Variants in EFTUD2 observed in about 807,000 individuals in gnomAD.
EFTUD2 encodes the protein elongation factor Tu GTP binding domain containing 2.
A neutral mutation model predicts 114.3 loss-of-function variants in EFTUD2; 9 were observed. That is an observed-to-expected ratio of 0.08 (90% CI 0.05 to 0.14). The LOEUF is 0.14. EFTUD2 is among the 10% of genes least tolerant of loss of function. The pLI is 1.00. For missense variants in EFTUD2, 765 were observed against 1,241.2 expected (o/e 0.62, Z 5.76); for synonymous variants, 449 against 462.3 (o/e 0.97, Z 0.37).
Position 44,889,227 on chromosome 17 carries a change from G to T in EFTUD2, c.106-2477C>A, listed in dbSNP as rs369361376. 1.6e-3 allele frequency among the ~76,000 whole-genome samples: 245 copies of T among 152,322 alleles called. 1 individual carries two copies. The highest frequency in any genetic ancestry group is 5.7e-3 in the African/African-American group (236 of 41,572). On this transcript the variant is annotated intron_variant, in intron 2 of 27. Coordinates refer to ENST00000426333, the MANE Select transcript of EFTUD2 (RefSeq NM_004247.4). Reference sequence around the variant, plus strand: ...GACCTTGGGATTTCGCAAGGCAGAGGTCAGTGGTGACCTTGACAAGAGCAG... The same window carrying T: ...GACCTTGGGATTTCGCAAGGCAGAGTTCAGTGGTGACCTTGACAAGAGCAG...
chr17:44,883,492 A>C, intron 5 of EFTUD2, 157 bp downstream of exon 5: 1 of 723,370 alleles, frequency 1.4e-6, no homozygotes, highest in Non-Finnish European at 2.3e-6. Context: ...GAAAAGCCAG[A>C]ATTTCACAGT....
rs2050518445 is a variant in EFTUD2 at position 44,854,842 on chromosome 17, T to C, written c.2132+76A>G. The C allele has an allele frequency of 3.8e-6, 6 of 1,569,848 alleles. No individual in the cohort carries two copies. Among genetic ancestry groups the C allele is most frequent in the Non-Finnish European group, 5.3e-6 (6 of 1,141,086 alleles). ...CATAAATGCTCCCCAGAAAGATGTG[T>C]GCTCTTAGAGACCCGGCAGTTAAAC... is the stretch of plus-strand genomic sequence containing the variant. On this transcript the variant is annotated intron_variant, in intron 21 of 27. Transcript: ENST00000426333. The surrounding 1 kb of genome is among the most constrained non-coding windows in gnomAD (Gnocchi z 4.3).
At chr17:44,885,500 G>C (rs931149049) in intron 3 of EFTUD2, among the ~76,000 whole-genome samples, 166 bp from the exon 4 acceptor site, 3 of 152,000 alleles carry the variant, frequency 2.0e-5, no homozygotes, top group Non-Finnish European at 2.9e-5. Flanking sequence ...ATGCTGTTTG[G>C]CATGAGACAG....
At chr17:44,891,586 G>C (rs2051280320) in intron 2 of EFTUD2, among the ~76,000 whole-genome samples, 1 of 152,194 alleles carries the variant, frequency 6.6e-6, no homozygotes, top group African/African-American at 2.4e-5. Flanking sequence ...CTCGGTTCAA[G>C]TGATCCTCCT....
At chr17:44,883,557 C>T in intron 5 of EFTUD2, 92 bp downstream of exon 5, 2 of 1,256,946 alleles carry the variant, frequency 1.6e-6, no homozygotes, top group Non-Finnish European at 2.3e-6. Flanking sequence ...GCCTTGTGAC[C>T]TCAAACCTCA....
chr17:44,851,678 G>A, intron 27 of EFTUD2, 32 bp downstream of exon 27: 1 of 1,539,216 alleles, frequency 6.5e-7, no homozygotes, highest in Non-Finnish European at 8.7e-7. Flanking sequence ...CTGGGGGGTT[G>A]AGGGATGGCA....
At position 44,853,198 on chromosome 17, in the gene EFTUD2, G is replaced by C; in HGVS notation, c.2561+98C>G. On this transcript the variant is annotated intron_variant, in intron 25 of 27. Coordinates refer to ENST00000426333, the MANE Select transcript of EFTUD2 (RefSeq NM_004247.4). ...CTCTCGGGGTTTCCAGAGAGAGGAGGGTAGAGAAGGCCAACCTCTCTTCCC... is the reference window on the plus strand; with the variant it reads ...CTCTCGGGGTTTCCAGAGAGAGGAGCGTAGAGAAGGCCAACCTCTCTTCCC... 3 of 1,269,626 alleles carry C rather than the reference G, an allele frequency of 2.4e-6. No individual in the cohort carries two copies. In the South Asian group the frequency reaches 4.0e-5, roughly 17 times the overall value. The allele number at this position is 1,269,626 out of a possible 1,614,324, so 78.6% of individuals were successfully genotyped here. A position where few individuals can be genotyped will look rare whatever the true frequency, so the allele number is the denominator to read the frequency against.
At chr17:44,867,927 C>T (rs911891800) in intron 12 of EFTUD2, 30 bp from the exon 13 acceptor site, 26 of 1,547,890 alleles carry the variant, frequency 1.7e-5, no homozygotes, top group South Asian at 1.4e-4. Context: ...CTGAGTGACC[C>T]AGGGGAAAAG....
At chr17:44,871,418 C>T (rs1294079883) in intron 11 of EFTUD2, among the ~76,000 whole-genome samples, 1 of 151,712 alleles carries the variant, frequency 6.6e-6, no homozygotes, top group African/African-American at 2.4e-5. Flanking sequence ...CAGCTCACTG[C>T]AAGCTCTGCC....
At chr17:44,883,447 A>C in intron 5 of EFTUD2, 1 of 617,626 alleles carries the variant, frequency 1.6e-6, no homozygotes, top group South Asian at 2.0e-5. Flanking sequence ...TCAGGCATGC[A>C]AGTGGCTTAG....
rs1320887479 is a variant in EFTUD2, at chr17:44,868,580, C to T, written c.995-230G>A. On this transcript the variant is annotated intron_variant, in intron 11 of 27. Coordinates refer to ENST00000426333, the MANE Select transcript of EFTUD2 (RefSeq NM_004247.4). The stretch of plus-strand genomic sequence containing the variant: ...GGAGCCAAAATGAGAACCCAAGCCT[C>T]TCCATCTCCACCAAGCACTAGGATT... 7.9e-6 allele frequency: 4 copies of T among 505,702 alleles called. No individual in the cohort carries two copies. In the East Asian group the frequency reaches 1.3e-4, roughly 16 times the overall value. The allele number at this position is 505,702 out of a possible 1,614,324, so 31.3% of individuals were successfully genotyped here.
intron 16 of EFTUD2, among the ~76,000 whole-genome samples, chr17:44,860,781 T>C (rs898968781): frequency 2.6e-5 from 4 of 151,958 alleles, no homozygotes; most frequent in African/African-American, 9.7e-5. Flanking sequence ...TGTATTTTTG[T>C]AGAGACGGGG....
intron 13 of EFTUD2, among the ~76,000 whole-genome samples, chr17:44,866,777 A>G (rs1243156713): frequency 6.6e-6 from 1 of 152,108 alleles, no homozygotes; most frequent in Non-Finnish European, 1.5e-5. Flanking sequence ...CATTTAACTT[A>G]TTTCCAGTTT....
chr17:44,864,616 C>T (rs2050713207), intron 14 of EFTUD2, among the ~76,000 whole-genome samples: 1 of 152,178 alleles, frequency 6.6e-6, no homozygotes, highest in Non-Finnish European at 1.5e-5. Context: ...TTTCACACTA[C>T]CCAAGCATCC....
In EFTUD2 at chr17:44,856,955, T is replaced by C. The variant is rs73984101; in HGVS notation, c.2045+120A>G. On this transcript the variant is annotated intron_variant, in intron 20 of 27. Coordinates refer to ENST00000426333, the MANE Select transcript of EFTUD2 (RefSeq NM_004247.4). Reference sequence around the variant, plus strand: ...AAACTCAAGTATTGTAAGCACCCCCTATTCTGAGCTGTAGAGGTCTCTATG... The same window carrying C: ...AAACTCAAGTATTGTAAGCACCCCCCATTCTGAGCTGTAGAGGTCTCTATG... The C allele has an allele frequency of 2.6e-3, 1,997 of 770,872 alleles. 24 individuals are homozygous for C. In the African/African-American group the frequency reaches 0.03, roughly 12 times the overall value. The allele number at this position is 770,872 out of a possible 1,614,324, so 47.8% of individuals were successfully genotyped here.
chr17:44,886,825 T>C, intron 2 of EFTUD2, 75 bp from the exon 3 acceptor site: 1 of 1,529,854 alleles, frequency 6.5e-7, no homozygotes, highest in South Asian at 1.2e-5. Context: ...CCTCCGTGAG[T>C]GACAGCACTG....
Position 44,850,204 on chromosome 17 carries a change from G to GCAGAAA in EFTUD2, c.*1064_*1069dup. 1.5e-6 allele frequency: 1 copy of GCAGAAA among 659,718 alleles called. No individual in the cohort carries two copies. 40.9% of individuals were successfully genotyped at this position (659,718 alleles called of 1,614,324 possible). ...CTTGAAGCAGCTGTTGGGACCTGGG[G>GCAGAAA]CAGAAAGATGAGCGGGAAGCTGGAC... is the stretch of plus-strand genomic sequence containing the variant. On this transcript the variant is annotated 3_prime_UTR_variant, in exon 28 of 28. Transcript: ENST00000426333.
intron 13 of EFTUD2, 151 bp from the exon 14 acceptor site, chr17:44,865,216 G>A: frequency 1.7e-6 from 2 of 1,156,338 alleles, no homozygotes; most frequent in South Asian, 3.5e-5. Context: ...CAAAAGTTTG[G>A]TTTCAGCGGC....
chr17:44,865,581 G>C (rs182371137), intron 13 of EFTUD2, among the ~76,000 whole-genome samples: 1 of 152,168 alleles, frequency 6.6e-6, no homozygotes, highest in East Asian at 1.9e-4. Flanking sequence ...AAGATACTAA[G>C]TATTTTTCAG....
Sources: allele counts gnomAD v4.1 joint callset (sites outside exome capture counted in the v4.1 genomes callset), GRCh38; gene constraint gnomAD v4.1.1; non-coding constraint Gnocchi (gnomAD v3.1); transcripts MANE v1.5; gene names NCBI Gene and HGNC (gene_info 2026-07-23, HGNC 2026-07-21).